CDC42EP1: variants seen among roughly 807,000 people sequenced by gnomAD.
The protein encoded by CDC42EP1 is 55 kDa bone marrow stromal/endothelial cell protein.
A neutral mutation model predicts 7.4 loss-of-function variants in CDC42EP1; 6 were observed. That is an observed-to-expected ratio of 0.81 (90% CI 0.44 to 1.60). The LOEUF is 1.60. CDC42EP1 is among the 40% of genes most tolerant of loss of function. The pLI is 0.01. For missense variants in CDC42EP1, 567 were observed against 539.0 expected (o/e 1.05, Z -0.51); for synonymous variants, 238 against 227.1 (o/e 1.05, Z -0.43).
At chr22:37,562,728 G>A (rs1277786997) in intron 1 of CDC42EP1, among the ~76,000 whole-genome samples, 1 of 151,930 alleles carries the variant, frequency 6.6e-6, no homozygotes, top group Non-Finnish European at 1.5e-5. Flanking sequence ...CAAGATTGGG[G>A]AGGAAGCTGG....
chr22:37,567,825 A>G (rs1925299472), intron 2 of CDC42EP1, among the ~76,000 whole-genome samples: 1 of 152,190 alleles, frequency 6.6e-6, no homozygotes. Context: ...TCAGACTTCT[A>G]TGGCCTTGGG....
intron 1 of CDC42EP1, among the ~76,000 whole-genome samples, chr22:37,563,318 G>A (rs1178534687): frequency 2.0e-5 from 3 of 152,300 alleles, no homozygotes; most frequent in South Asian, 2.1e-4. Flanking sequence ...CCTTCCCTCC[G>A]AACCTCAGTG....
At chr22:37,564,154 G>A (rs755979466) in intron 1 of CDC42EP1, among the ~76,000 whole-genome samples, 60 of 152,230 alleles carry the variant, frequency 3.9e-4, no homozygotes, top group Admixed American at 5.9e-4. Flanking sequence ...AGGATCACAG[G>A]TGCGCTCTAG....
In CDC42EP1 at chr22:37,566,825, G is replaced by A. The variant is rs776256998; in HGVS notation, c.463+13G>A. The A allele has an allele frequency of 1.3e-6, 2 of 1,525,162 alleles. No homozygotes were observed. Among genetic ancestry groups the A allele is most frequent in the Admixed American group, 2.2e-5 (1 of 45,596 alleles). The allele number at this position is 1,525,162 out of a possible 1,614,324, so 94.5% of individuals were successfully genotyped here. The stretch of plus-strand genomic sequence containing the variant: ...CACTCCAGCTACGGTGAGGGCCTGG[G>A]CCATCTTGGCCCACTTTTCAGAGGC... On this transcript the variant is annotated intron_variant, in intron 2 of 2. Transcript: ENST00000249014. The surrounding 1 kb of genome is among the most constrained non-coding windows in gnomAD (Gnocchi z 6.4).
rs758071791 is a variant in CDC42EP1 at position 37,568,792 on chromosome 22, C to T, written c.1148C>T (p.Ala383Val). 2 of 1,496,030 alleles carry T rather than the reference C, an allele frequency of 1.3e-6. No homozygotes were observed. Among genetic ancestry groups the T allele is most frequent in the Admixed American group, 4.7e-5 (2 of 42,708 alleles). The allele number at this position is 1,496,030 out of a possible 1,614,324, so 92.7% of individuals were successfully genotyped here. A position where few individuals can be genotyped will look rare whatever the true frequency, so the allele number is the denominator to read the frequency against. ...VQANTFEFAD[A>V]EEDDEVKV ...GCAAACACCTTTGAATTTGCGGATG[C>T]TGAGGAGGATGATGAGGTCAAGGTG... Residue 383 changes from alanine (A) to valine (V), a missense_variant, in exon 3 of 3, where the codon GCT (alanine) becomes GTT (valine). Ala to Val is a moderately conservative substitution (Grantham distance 64, BLOSUM62 0). Transcript: ENST00000249014.
Position 37,566,650 on chromosome 22 carries a change from T to A in CDC42EP1, c.301T>A (p.Ser101Thr). The change falls in exon 2 of 3, where the codon TCT (serine) becomes ACT (threonine). Residue 101 changes from serine (S) to threonine (T), a missense_variant. Ser to Thr is a moderately conservative substitution (Grantham distance 58). Coordinates refer to ENST00000249014, the MANE Select transcript of CDC42EP1 (RefSeq NM_152243.3). This position sits in a 1 kb window ranked among gnomAD's most constrained non-coding sequence, Gnocchi z 6.4. ...RVGAPPRRMA[S>T]PPAPSPAPPA... ...GGGGGCGCCCCCCCGGAGGATGGCA[T>A]CTCCCCCTGCACCCTCCCCGGCTCC... 1 of 1,598,758 alleles carries A rather than the reference T, an allele frequency of 6.3e-7. No homozygotes were observed. Among genetic ancestry groups the A allele is most frequent in the African/African-American group, 1.3e-5 (1 of 74,646 alleles).
rs61747263 is a variant in CDC42EP1 at position 37,568,653 on chromosome 22, C to T, written c.1009C>T (p.Arg337Trp). 57 of 1,564,730 alleles carry T rather than the reference C, an allele frequency of 3.6e-5. No individual in the cohort carries two copies. Among genetic ancestry groups the T allele is most frequent in the African/African-American group, 2.6e-4 (19 of 74,288 alleles). Residue 337 changes from arginine (R) to tryptophan (W), a missense_variant, in exon 3 of 3, where the codon CGG becomes TGG. Transcript: ENST00000249014. ...CCACCACTACCCAGAGATGGATGCG[C>T]GGCAGGAGCGGGTGGAGGTGCTGCC... is the stretch of plus-strand genomic sequence containing the variant. ...GGHHYPEMDA[R>W]QERVEVLPQA...
chr22:37,560,853 C>A (rs1925008785), intron 1 of CDC42EP1, among the ~76,000 whole-genome samples: 3 of 151,820 alleles, frequency 2.0e-5, no homozygotes, highest in Admixed American at 2.0e-4. Flanking sequence ...GGCCAAAATG[C>A]GCGAGGAGGG....
At chr22:37,564,183 C>G (rs1332129678) in intron 1 of CDC42EP1, among the ~76,000 whole-genome samples, 1 of 151,396 alleles carries the variant, frequency 6.6e-6, no homozygotes, top group African/African-American at 2.4e-5. Flanking sequence ...TTGTATGACA[C>G]TAGAAGGAAA....
In CDC42EP1 at chr22:37,568,787, G is replaced by A. The variant is rs376964841; in HGVS notation, c.1143G>A (p.Ala381=). The part of the protein sequence containing the change: ...STVQANTFEF[A]DAEEDDEVKV The stretch of plus-strand genomic sequence containing the variant: ...TGCAAGCAAACACCTTTGAATTTGC[G>A]GATGCTGAGGAGGATGATGAGGTCA... The change falls in exon 3 of 3, where the codon GCG becomes GCA. Residue 381 remains alanine (A), a synonymous_variant. Coordinates refer to ENST00000249014, the MANE Select transcript of CDC42EP1 (RefSeq NM_152243.3). 82 of 1,496,176 alleles carry A rather than the reference G, an allele frequency of 5.5e-5. No individual in the cohort carries two copies. The highest frequency in any genetic ancestry group is 2.3e-4 in the Admixed American group (10 of 42,770). 92.7% of individuals were successfully genotyped at this position (1,496,176 alleles called of 1,614,324 possible).
chr22:37,568,435 C>T lies in CDC42EP1; in HGVS notation c.791C>T (p.Ala264Val). The change falls in exon 3 of 3, where the codon GCA becomes GTA. Residue 264 changes from alanine (A) to valine (V), a missense_variant. By Grantham distance (64) the Ala-to-Val change is moderately conservative. Transcript: ENST00000249014. ...APAANPSAPA[A>V]TPTGPAANPP... Reference sequence around the variant, plus strand: ...GCTGCAAACCCCTCAGCACCTGCCGCAACCCCCACGGGTCCTGCTGCAAAT... The same window carrying T: ...GCTGCAAACCCCTCAGCACCTGCCGTAACCCCCACGGGTCCTGCTGCAAAT... 1 of 1,549,620 alleles carries T rather than the reference C, an allele frequency of 6.5e-7. No individual in the cohort carries two copies. Among genetic ancestry groups the T allele is most frequent in the Non-Finnish European group, 8.8e-7 (1 of 1,134,248 alleles).
intron 1 of CDC42EP1, chr22:37,565,640 T>C (rs1456444137): frequency 6.8e-6 from 1 of 147,136 alleles, no homozygotes; most frequent in East Asian, 2.0e-4. Context: ...AGTGCCGTGA[T>C]GTGATCTTGG....
intron 1 of CDC42EP1, chr22:37,563,728 G>A (rs2145808506): frequency 6.6e-6 from 1 of 152,316 alleles, no homozygotes; most frequent in South Asian, 2.1e-4. Context: ...GCAGACATAG[G>A]TGTTCTTAAG....
chr22:37,561,339 A>AC (rs1331618145), intron 1 of CDC42EP1, among the ~76,000 whole-genome samples: 1 of 152,216 alleles, frequency 6.6e-6, no homozygotes, highest in African/African-American at 2.4e-5. Flanking sequence ...CCGCAGCGGC[A>AC]CTAAACGTGG....
At position 37,568,339 on chromosome 22, in the gene CDC42EP1, C is replaced by G. The variant is rs144367023; in HGVS notation, c.695C>G (p.Pro232Arg). 41 of 1,604,848 alleles carry G rather than the reference C, an allele frequency of 2.6e-5. No individual in the cohort carries two copies. The South Asian group carries it at 3.9e-4, about 15-fold the overall frequency. Residue 232 changes from proline to arginine, a missense_variant, in exon 3 of 3, where the codon CCA becomes CGA. Pro to Arg is a moderately radical substitution (Grantham distance 103). Coordinates refer to ENST00000249014, the MANE Select transcript of CDC42EP1 (RefSeq NM_152243.3). ...AETPAPAANPPAPTANPTGPA... is the reference protein window; with the variant it reads ...AETPAPAANPRAPTANPTGPA... The stretch of plus-strand genomic sequence containing the variant: ...ACTCCAGCCCCCGCTGCAAACCCCC[C>G]AGCCCCTACTGCAAACCCCACGGGT...
rs13055511 is a variant in CDC42EP1, at chr22:37,568,433, C to T, written c.789C>T (p.Ala263=). The part of the protein sequence containing the change: ...PAPAANPSAP[A]ATPTGPAANP... ...CTGCTGCAAACCCCTCAGCACCTGC[C>T]GCAACCCCCACGGGTCCTGCTGCAA... Residue 263 remains alanine (A), a synonymous_variant, in exon 3 of 3, where the codon GCC becomes GCT. Coordinates refer to ENST00000249014, the MANE Select transcript of CDC42EP1 (RefSeq NM_152243.3). The T allele has an allele frequency of 1.2e-4, 180 of 1,498,724 alleles. 1 individual carries two copies. Among genetic ancestry groups the T allele is most frequent in the Non-Finnish European group, 1.5e-4 (165 of 1,091,948 alleles). The allele number at this position is 1,498,724 out of a possible 1,614,324, so 92.8% of individuals were successfully genotyped here.
intron 1 of CDC42EP1, among the ~76,000 whole-genome samples, chr22:37,565,069 C>T (rs1336389465): frequency 6.6e-6 from 1 of 152,074 alleles, no homozygotes; most frequent in Non-Finnish European, 1.5e-5. Context: ...TGAGCCACCG[C>T]GCCCAGCCCC....
At chr22:37,563,278 G>A (rs1271744986) in intron 1 of CDC42EP1, among the ~76,000 whole-genome samples, 1 of 152,188 alleles carries the variant, frequency 6.6e-6, no homozygotes, top group Non-Finnish European at 1.5e-5. Context: ...GCCCTGCCAT[G>A]AACCTGTCAC....
At chr22:37,562,737 G>T (rs191374719) in intron 1 of CDC42EP1, among the ~76,000 whole-genome samples, 196 of 151,400 alleles carry the variant, frequency 1.3e-3, no homozygotes, top group African/African-American at 4.5e-3. Context: ...GGAGGAAGCT[G>T]GTCCCCCAAG....
Sources: gnomAD v4.1 joint callset for allele counts (sites outside exome capture counted in the v4.1 genomes callset) on GRCh38, gnomAD v4.1.1 for gene constraint, Gnocchi (gnomAD v3.1) non-coding constraint, MANE v1.5 for transcripts, NCBI Gene and HGNC (gene_info 2026-07-23, HGNC 2026-07-21) for gene names.